ZNF385B: variants seen among roughly 807,000 people sequenced by gnomAD.
ZNF385B encodes the protein zinc finger protein 533.
A neutral mutation model predicts 39.2 loss-of-function variants in ZNF385B; 23 were observed. The observed-to-expected ratio is 0.59, with a 90% CI of 0.42 to 0.83. The LOEUF is 0.83. Ranked by LOEUF, ZNF385B falls within the 40% of genes least tolerant of loss-of-function variation. The probability of loss-of-function intolerance (pLI) is 0.00; values close to 1 mark genes in which losing one functional copy is unlikely to be tolerated. For synonymous variants in ZNF385B, 205 were observed against 222.6 expected (o/e 0.92, Z 0.70); for missense variants, 552 against 598.9 (o/e 0.92, Z 0.82).
chr2:179,667,882 A>G lies in ZNF385B; in HGVS notation c.298+101621T>C, dbSNP rs573130105. ...TGTATTTAAGTCCCAGCCAGCTACA[A>G]TCACTGACCTTAGATTTCTTGAGAT... On this transcript the variant is annotated intron_variant, in intron 3 of 9. Transcript: ENST00000410066. Among the ~76,000 whole-genome samples, 21 of 152,284 alleles carry G rather than the reference A, an allele frequency of 1.4e-4. 2 individuals are homozygous for G. The South Asian group carries it at 4.4e-3, about 32-fold the overall frequency.
intron 1 of ZNF385B, among the ~76,000 whole-genome samples, chr2:179,788,041 C>A (rs1336672565): frequency 6.6e-6 from 1 of 152,134 alleles, no homozygotes; most frequent in Non-Finnish European, 1.5e-5. Context: ...TATCTGTAAT[C>A]ATTTAAACAT....
rs1334183319 is a variant in ZNF385B at position 179,544,845 on chromosome 2, G to A, written c.423C>T (p.Leu141=). The A allele has an allele frequency of 6.2e-7, 1 of 1,614,068 alleles. No homozygotes were observed. The highest frequency in any genetic ancestry group is 8.5e-7 in the Non-Finnish European group (1 of 1,179,948). ...TACTCACTGTGTTAAAATTTGGAAA[G>A]AGCCCAACAGCAGAACTACTGTCCA... ...FPVDSSSAVG[L]FPNFNTMDPV... is the part of the protein sequence containing the mutation. The change falls in exon 4 of 10, where the codon CTC becomes CTT. Residue 141 remains leucine (L), a synonymous_variant. Transcript: ENST00000410066.
rs74869081 is a variant in ZNF385B, at chr2:179,785,642, C to G, written c.-154-14970G>C. On this transcript the variant is annotated intron_variant, in intron 1 of 9. Coordinates refer to ENST00000410066, the MANE Select transcript of ZNF385B (RefSeq NM_152520.6). The stretch of plus-strand genomic sequence containing the variant: ...GTGGAGGAAGTAACTGCAGGCGTGA[C>G]GGAAATAGCAAGAGAAGTAGAATTA... 5.3e-3 allele frequency among the ~76,000 whole-genome samples: 804 copies of G among 152,042 alleles called. 3 individuals are homozygous for G. Among genetic ancestry groups the G allele is most frequent in the African/African-American group, 7.5e-3 (311 of 41,452 alleles).
At chr2:179,759,308 T>A (rs185149014) in intron 3 of ZNF385B, among the ~76,000 whole-genome samples, 1 of 152,272 alleles carries the variant, frequency 6.6e-6, no homozygotes, top group Admixed American at 6.5e-5. Context: ...GTGAGATGTC[T>A]GGAATTGATG....
chr2:179,814,581 A>T, intron 1 of ZNF385B: 1 of 729,302 alleles, frequency 1.4e-6, no homozygotes, highest in Non-Finnish European at 2.3e-6. Flanking sequence ...CAAGCAGGAG[A>T]TGGTCGACAT....
intron 3 of ZNF385B, among the ~76,000 whole-genome samples, chr2:179,605,822 G>A (rs1688755679): frequency 6.6e-6 from 1 of 152,098 alleles, no homozygotes; most frequent in Non-Finnish European, 1.5e-5. Flanking sequence ...CAGGATTAGA[G>A]GCTGGAAACC....
At chr2:179,483,650 T>TA (rs1395674392) in intron 5 of ZNF385B, among the ~76,000 whole-genome samples, 3 of 152,172 alleles carry the variant, frequency 2.0e-5, no homozygotes, top group African/African-American at 4.8e-5. Context: ...CCTGCATCTT[T>TA]AAAAAACCAG....
intron 3 of ZNF385B, among the ~76,000 whole-genome samples, chr2:179,699,474 T>C (rs899808968): frequency 6.6e-6 from 1 of 152,250 alleles, no homozygotes; most frequent in African/African-American, 2.4e-5. Flanking sequence ...GTAGACATAA[T>C]TGTGGATGTT....
At chr2:179,720,403 GGGAGGGGA>G (rs1289318136) in intron 3 of ZNF385B, among the ~76,000 whole-genome samples, 1 of 145,392 alleles carries the variant, frequency 6.9e-6, no homozygotes, top group Non-Finnish European at 1.5e-5. Context: ...CAGGGGAGAG[GGGAGGGGA>G]GGAGGGGAGG....
At chr2:179,501,675 C>T (rs111855729) in intron 5 of ZNF385B, among the ~76,000 whole-genome samples, 6 of 152,112 alleles carry the variant, frequency 3.9e-5, no homozygotes, top group East Asian at 1.9e-4. Flanking sequence ...TTTGACAGCA[C>T]GATAGGGTGA....
chr2:179,743,517 T>G (rs1442852813), intron 3 of ZNF385B, among the ~76,000 whole-genome samples: 1 of 152,060 alleles, frequency 6.6e-6, no homozygotes, highest in Non-Finnish European at 1.5e-5. Flanking sequence ...AGTTCCCTTG[T>G]CAAGACCACA....
chr2:179,500,374 A>T (rs558446745), intron 5 of ZNF385B, among the ~76,000 whole-genome samples: 17 of 151,840 alleles, frequency 1.1e-4, no homozygotes, highest in Non-Finnish European at 2.1e-4. Context: ...TATACTACAG[A>T]GCTGCTACTG....
chr2:179,860,766 C>T (rs1684985593), intron 1 of ZNF385B: 1 of 460,518 alleles, frequency 2.2e-6, no homozygotes, highest in Non-Finnish European at 4.5e-6. Context: ...GCGGGGCACT[C>T]TCCTCGTCCT....
At chr2:179,509,167 C>T (rs1193455725) in intron 5 of ZNF385B, among the ~76,000 whole-genome samples, 2 of 152,016 alleles carry the variant, frequency 1.3e-5, no homozygotes, top group East Asian at 3.9e-4. Flanking sequence ...AGGATGGTCT[C>T]GATCTCCTGA....
rs944959347 is a variant in ZNF385B, at chr2:179,641,611, T to C, written c.299-96642A>G. Reference sequence around the variant, plus strand: ...TCCCCTAAAAGCATTATGTTTCACATGCATACAACAAAATTGAACCTCTAT... The same window carrying C: ...TCCCCTAAAAGCATTATGTTTCACACGCATACAACAAAATTGAACCTCTAT... On this transcript the variant is annotated intron_variant, in intron 3 of 9. Coordinates refer to ENST00000410066, the MANE Select transcript of ZNF385B (RefSeq NM_152520.6). 5.3e-5 allele frequency among the ~76,000 whole-genome samples: 8 copies of C among 152,144 alleles called. No homozygotes were observed. The East Asian group carries it at 1.5e-3, about 29-fold the overall frequency.
At chr2:179,643,022 C>T (rs1463975416) in intron 3 of ZNF385B, among the ~76,000 whole-genome samples, 1 of 151,982 alleles carries the variant, frequency 6.6e-6, no homozygotes, top group Non-Finnish European at 1.5e-5. Context: ...AATTTTCTCT[C>T]AAAACAGTGA....
At chr2:179,562,450 C>A in intron 3 of ZNF385B, 2 of 985,366 alleles carry the variant, frequency 2.0e-6, no homozygotes, top group African/African-American at 3.5e-5. Flanking sequence ...GAGCACTGTA[C>A]GAGATGTTAC....
At chr2:179,727,683 T>C (rs1701107743) in intron 3 of ZNF385B, among the ~76,000 whole-genome samples, 1 of 152,016 alleles carries the variant, frequency 6.6e-6, no homozygotes, top group Non-Finnish European at 1.5e-5. Context: ...ATGTAACCAA[T>C]GAATATGACC....
chr2:179,584,064 T>A (rs999688094), intron 3 of ZNF385B: 5 of 648,500 alleles, frequency 7.7e-6, no homozygotes, highest in Non-Finnish European at 1.3e-5. Context: ...AAGCTTATAG[T>A]CTACTGGGAG....
Sources: allele counts gnomAD v4.1 joint callset (sites outside exome capture counted in the v4.1 genomes callset), GRCh38; gene constraint gnomAD v4.1.1; transcripts MANE v1.5; gene names NCBI Gene and HGNC (gene_info 2026-07-23, HGNC 2026-07-21).